The following DNAAF5 variants were observed in gnomAD, a reference collection of about 807,000 sequenced individuals.
The protein encoded by DNAAF5 is HEAT repeat containing 2.
In DNAAF5, 64 loss-of-function variants were observed where a neutral mutation model predicts 75.8. The observed-to-expected ratio is 0.84, with a 90% CI of 0.69 to 1.04. DNAAF5 has a LOEUF of 1.04. DNAAF5 is among the 50% of genes least tolerant of loss of function. The probability of loss-of-function intolerance (pLI) is 0.00; values close to 1 mark genes in which losing one functional copy is unlikely to be tolerated. For missense variants in DNAAF5, 1,269 were observed against 1,178.5 expected, an observed-to-expected ratio of 1.08 and a Z score of -1.12; for synonymous variants, 657 against 557.2, an observed-to-expected ratio of 1.18 and a Z score of -2.52.
intron 11 of DNAAF5, among the ~76,000 whole-genome samples, chr7:775,748 A>T (rs966761125): frequency 3.9e-5 from 6 of 152,148 alleles, no homozygotes; most frequent in South Asian, 2.1e-4. Flanking sequence ...ACAACATTGG[A>T]CCCTCGTGAA....
At chr7:750,993 A>T (rs1394577966) in intron 4 of DNAAF5, 1 of 154,458 alleles carries the variant, frequency 6.5e-6, no homozygotes, top group Non-Finnish European at 1.5e-5. Flanking sequence ...AAAATACAAA[A>T]CTTAGCCAGG....
At position 785,524 on chromosome 7, in the gene DNAAF5, C is replaced by CA; in HGVS notation, c.2442dup (p.Glu815ArgfsTer75). 1 of 1,613,742 alleles carries CA rather than the reference C, an allele frequency of 6.2e-7. No individual in the cohort carries two copies. Among genetic ancestry groups the CA allele is most frequent in the Non-Finnish European group, 8.5e-7 (1 of 1,179,916 alleles). ...TGTTTTTCTGTTTTACAGAGGTCCT[C>CA]AAAGAGGGCAGCGGGCTGTTCCCAG... On this transcript the variant is annotated frameshift_variant, in exon 13 of 13. Coordinates refer to ENST00000297440, the MANE Select transcript of DNAAF5 (RefSeq NM_017802.4). LOFTEE classifies it high-confidence loss of function.
At position 741,357 on chromosome 7, in the gene DNAAF5, G is replaced by C; in HGVS notation, c.916G>C (p.Ala306Pro). The part of the protein sequence containing the change: ...DEVPEVRQLA[A>P]SLWEDVGLQW... ...TCTGTTGTGCCTCAGGCAGCTGGCT[G>C]CCAGCCTCTGGGAGGACGTTGGCCT... The change falls in exon 4 of 13, where the codon GCC (alanine) becomes CCC (proline). Residue 306 changes from alanine (A) to proline (P), a missense_variant. Physicochemically the swap from Ala to Pro is conservative, Grantham distance 27. Transcript: ENST00000297440. 6.3e-7 allele frequency: 1 copy of C among 1,588,504 alleles called. No individual in the cohort carries two copies. The highest frequency in any genetic ancestry group is 2.3e-5 in the East Asian group (1 of 44,020).
chr7:761,740 C>A lies in DNAAF5; in HGVS notation c.1471-13C>A. 6.3e-7 allele frequency: 1 copy of A among 1,591,614 alleles called. No individual in the cohort carries two copies. Among genetic ancestry groups the A allele is most frequent in the Admixed American group, 1.7e-5 (1 of 57,176 alleles). On this transcript the variant is annotated splice_polypyrimidine_tract_variant and intron_variant, in intron 6 of 12. Transcript: ENST00000297440. ...TTGTACCAAGCTCTGACGGTGCTGC[C>A]GGTCTCTTCCAGGACCTCTACCTGG... is the stretch of plus-strand genomic sequence containing the variant.
chr7:761,510 G>A (rs139169441), intron 6 of DNAAF5, among the ~76,000 whole-genome samples: 45 of 152,384 alleles, frequency 3.0e-4, no homozygotes, highest in African/African-American at 9.1e-4. Flanking sequence ...GCAAAGTCAC[G>A]TCTTACGTGG....
chr7:785,612 C>G lies in DNAAF5; in HGVS notation c.2527C>G (p.Gln843Glu), dbSNP rs755656967. The change falls in exon 13 of 13, where the codon CAG (glutamine) becomes GAG (glutamate). Residue 843 changes from glutamine to glutamate, a missense_variant. Physicochemically the swap from Gln to Glu is conservative, Grantham distance 29. Transcript: ENST00000297440. ...HKHRSATYCE[Q>E]LLQHVQAVPA... ...GCACCGCTCGGCCACCTACTGCGAG[C>G]AGCTCCTGCAGCATGTGCAGGCCGT... 1 of 1,613,144 alleles carries G rather than the reference C, an allele frequency of 6.2e-7. No individual in the cohort carries two copies. The highest frequency in any genetic ancestry group is 8.5e-7 in the Non-Finnish European group (1 of 1,180,024).
chr7:762,004 G>A, intron 7 of DNAAF5, 108 bp downstream of exon 7: 1 of 63,580 alleles, frequency 1.6e-5, no homozygotes. Flanking sequence ...TGCTTGACCA[G>A]CAAAGACCAG....
intron 8 of DNAAF5, among the ~76,000 whole-genome samples, chr7:765,388 C>G (rs1333589310): frequency 1.3e-5 from 2 of 152,178 alleles, no homozygotes; most frequent in Non-Finnish European, 2.9e-5. Context: ...CAGATTTTTA[C>G]TGAATGTTAC....
chr7:747,484 G>A (rs1241526857), intron 4 of DNAAF5, among the ~76,000 whole-genome samples: 1 of 151,890 alleles, frequency 6.6e-6, no homozygotes, highest in African/African-American at 2.4e-5. Context: ...TGTTGGTGGG[G>A]TTTGCTGTTT....
chr7:751,613 G>A (rs180781065), intron 4 of DNAAF5, among the ~76,000 whole-genome samples: 10 of 128,302 alleles, frequency 7.8e-5, no homozygotes, highest in Admixed American at 1.8e-4. Flanking sequence ...TCACTCTGTC[G>A]CCCAGGCTGG....
intron 6 of DNAAF5, among the ~76,000 whole-genome samples, chr7:757,273 G>A (rs1782516301): frequency 1.3e-5 from 2 of 151,796 alleles, no homozygotes; most frequent in Admixed American, 1.3e-4. Context: ...GCAGGCGGCC[G>A]CTCACGTTTA....
At chr7:731,302 C>T (rs1452928450) in intron 2 of DNAAF5, among the ~76,000 whole-genome samples, 1 of 152,148 alleles carries the variant, frequency 6.6e-6, no homozygotes, top group African/African-American at 2.4e-5. Context: ...TCTAAAAATA[C>T]CGTCACTGTC....
At chr7:774,015 TCTC>T (rs1562398829) in intron 9 of DNAAF5, 30 bp from the exon 10 acceptor site, 4 of 1,613,672 alleles carry the variant, frequency 2.5e-6, no homozygotes, top group Non-Finnish European at 2.5e-6. Context: ...ACCTGTCCGG[TCTC>T]CTCATCCACC....
intron 7 of DNAAF5, among the ~76,000 whole-genome samples, chr7:763,475 A>G (rs535743293): frequency 6.6e-6 from 1 of 152,308 alleles, no homozygotes; most frequent in East Asian, 1.9e-4. Context: ...TCACCACCTC[A>G]GAGGAGCCCT....
chr7:752,704 G>T (rs900934141), intron 4 of DNAAF5, among the ~76,000 whole-genome samples: 1 of 152,250 alleles, frequency 6.6e-6, no homozygotes, highest in Non-Finnish European at 1.5e-5. Context: ...AGACCGCTCT[G>T]TAACAGGGTA....
intron 4 of DNAAF5, among the ~76,000 whole-genome samples, chr7:751,945 G>A (rs1782310480): frequency 6.6e-6 from 1 of 152,088 alleles, no homozygotes; most frequent in Admixed American, 6.5e-5. Context: ...CAAACTGATT[G>A]TGAAATTCTC....
chr7:785,797 T>C lies in DNAAF5; in HGVS notation c.*144T>C. 1.2e-6 allele frequency: 1 copy of C among 830,490 alleles called. No individual in the cohort carries two copies. Among genetic ancestry groups the C allele is most frequent in the Non-Finnish European group, 1.8e-6 (1 of 550,502 alleles). The allele number at this position is 830,490 out of a possible 1,614,324, so 51.4% of individuals were successfully genotyped here. On this transcript the variant is annotated 3_prime_UTR_variant, in exon 13 of 13. Transcript: ENST00000297440. ...ACTCCTCAGGACACCTGCCCACTCT[T>C]TCCCTGGAATAACAGCCTCTGAGTG... is the stretch of plus-strand genomic sequence containing the variant.
rs1779130248 is a variant in DNAAF5 at position 785,863 on chromosome 7, G to A, written c.*210G>A. ...GTGATTTGTTCTGTTCATCGAGAGG[G>A]CTCCCAAACATCTGCAGCTGATTTG... is the stretch of plus-strand genomic sequence containing the variant. On this transcript the variant is annotated 3_prime_UTR_variant, in exon 13 of 13. Transcript: ENST00000297440. 3.7e-6 allele frequency: 2 copies of A among 538,364 alleles called. No individual in the cohort carries two copies. The highest frequency in any genetic ancestry group is 6.3e-6 in the Non-Finnish European group (2 of 315,112). The allele number at this position is 538,364 out of a possible 1,614,324, so 33.3% of individuals were successfully genotyped here.
Position 763,450 on chromosome 7 carries a change from G to A in DNAAF5, c.1615-356G>A, listed in dbSNP as rs566811941. Among the ~76,000 whole-genome samples, 6 of 152,316 alleles carry A rather than the reference G, an allele frequency of 3.9e-5. No homozygotes were observed. The East Asian group carries it at 5.8e-4, about 15-fold the overall frequency. On this transcript the variant is annotated intron_variant, in intron 7 of 12. Coordinates refer to ENST00000297440, the MANE Select transcript of DNAAF5 (RefSeq NM_017802.4). ...GCTTAACTCTTTAAGCCACTTGCCC[G>A]CCCCTCTCTGCTCCTCACCACCTCA...
Sources: allele counts gnomAD v4.1 joint callset (sites outside exome capture counted in the v4.1 genomes callset), GRCh38; gene constraint gnomAD v4.1.1; transcripts MANE v1.5; gene names NCBI Gene and HGNC (gene_info 2026-07-23, HGNC 2026-07-21).